The following PTGDS variants were observed in gnomAD, a reference collection of about 807,000 sequenced individuals.
PTGDS encodes prostaglandin D2 synthase, also known as prostaglandin-H2 D-isomerase.
In PTGDS, 21 loss-of-function variants were observed where a neutral mutation model predicts 28.4. That is an observed-to-expected ratio of 0.74 (90% confidence interval 0.52 to 1.07). The LOEUF (loss-of-function observed/expected upper bound fraction) is 1.07. Ranked by LOEUF, PTGDS falls within the 50% of genes least tolerant of loss-of-function variation. PTGDS has a pLI of 0.00. For missense variants in PTGDS, 243 were observed against 247.7 expected, an observed-to-expected ratio of 0.98 and a Z score of 0.13; for synonymous variants, 102 against 106.0, an observed-to-expected ratio of 0.96 and a Z score of 0.23.
intron 3 of PTGDS, 85 bp downstream of exon 3, chr9:136,979,384 AGAT>A (rs1254316964): frequency 1.1e-5 from 18 of 1,577,288 alleles, no homozygotes; most frequent in Non-Finnish European, 1.5e-5. Context: ...CCTGCCGCGG[AGAT>A]CCATGGGGTG....
Position 136,979,964 on chromosome 9 carries a change from C to G in PTGDS, c.350C>G (p.Ser117Cys), listed in dbSNP as rs1177532072. 2 of 1,613,292 alleles carry G rather than the reference C, an allele frequency of 1.2e-6. No homozygotes were observed. Among genetic ancestry groups the G allele is most frequent in the South Asian group, 1.1e-5 (1 of 91,092 alleles). Residue 117 changes from serine to cysteine, a missense_variant, in exon 4 of 7, where the codon TCC becomes TGC. By Grantham distance (112) the Ser-to-Cys change is moderately radical. Coordinates refer to ENST00000371625, the MANE Select transcript of PTGDS (RefSeq NM_000954.6). ...TTCCCAGACTGGGGCAGCACCTACT[C>G]CGTGTCAGTGGTGGAGACCGACTAC... is the stretch of plus-strand genomic sequence containing the variant. ...YRSPHWGSTY[S>C]VSVVETDYDQ...
chr9:136,980,350 G>T, intron 5 of PTGDS, 66 bp downstream of exon 5: 1 of 1,539,208 alleles, frequency 6.5e-7, no homozygotes, highest in South Asian at 1.1e-5. Context: ...GCAGTCTCCT[G>T]ACTGGGGGAG....
intron 1 of PTGDS, 102 bp from the exon 2 acceptor site, chr9:136,978,891 G>A (rs1489498245): frequency 6.6e-7 from 1 of 1,513,864 alleles, no homozygotes; most frequent in Admixed American, 1.9e-5. Flanking sequence ...GGGCGGGGCC[G>A]GGTTGGAGAC....
At chr9:136,978,351 C>A (rs1015561042) in intron 1 of PTGDS, among the ~76,000 whole-genome samples, 1 of 150,912 alleles carries the variant, frequency 6.6e-6, no homozygotes, top group Non-Finnish European at 1.5e-5. Flanking sequence ...GGCTGGTGGG[C>A]GGCGTGCGAG....
rs1830449392 is a variant in PTGDS at position 136,981,651 on chromosome 9, C to T, written c.*73C>T. 6.6e-6 allele frequency: 1 copy of T among 152,382 alleles called. No homozygotes were observed. The highest frequency in any genetic ancestry group is 1.5e-5 in the Non-Finnish European group (1 of 68,238). The allele number at this position is 152,382 out of a possible 1,614,324, so 9.4% of individuals were successfully genotyped here. ...ACGCTCTGGATGTCTCTGCTCTGTT[C>T]CTTCCCCGAGCCCCTGCCCCGGCTC... On this transcript the variant is annotated 3_prime_UTR_variant, in exon 7 of 7. Coordinates refer to ENST00000371625, the MANE Select transcript of PTGDS (RefSeq NM_000954.6).
chr9:136,979,512 T>A, intron 3 of PTGDS: 1 of 1,440,910 alleles, frequency 6.9e-7, no homozygotes, highest in Non-Finnish European at 9.4e-7. Flanking sequence ...GGATCCTCTC[T>A]GGAGCCCACC....
At chr9:136,977,923 C>CA (rs956714200) in intron 1 of PTGDS, among the ~76,000 whole-genome samples, 1 of 152,160 alleles carries the variant, frequency 6.6e-6, no homozygotes, top group Non-Finnish European at 1.5e-5. Context: ...ATGGGCCACG[C>CA]AGACACCGGG....
chr9:136,979,099 A>G lies in PTGDS; in HGVS notation c.221A>G (p.Asp74Gly), dbSNP rs1830417176. 3.7e-6 allele frequency: 6 copies of G among 1,612,008 alleles called. No homozygotes were observed. Among genetic ancestry groups the G allele is most frequent in the Non-Finnish European group, 5.1e-6 (6 of 1,179,406 alleles). ...AAGTCTGTGGTGGCCCCTGCCACGGATGGTGGCCTCAACCTGACCTCCACC... is the reference window on the plus strand; with the variant it reads ...AAGTCTGTGGTGGCCCCTGCCACGGGTGGTGGCCTCAACCTGACCTCCACC... Reference protein sequence around the residue: ...MCKSVVAPATDGGLNLTSTFL... With the variant: ...MCKSVVAPATGGGLNLTSTFL... The change falls in exon 2 of 7, where the codon GAT (aspartate) becomes GGT (glycine). Residue 74 changes from aspartate to glycine, a missense_variant. Asp to Gly is a moderately conservative substitution (Grantham distance 94). Transcript: ENST00000371625.
Position 136,980,293 on chromosome 9 carries a change from T to C in PTGDS, c.550+9T>C. On this transcript the variant is annotated intron_variant, in intron 5 of 6. Coordinates refer to ENST00000371625, the MANE Select transcript of PTGDS (RefSeq NM_000954.6). ...CTTCCTGCCCCAAACCGGTGAGGGG[T>C]CCTAATCTGATGGGGAGAGGATCAA... 1 of 1,612,772 alleles carries C rather than the reference T, an allele frequency of 6.2e-7. No homozygotes were observed. Among genetic ancestry groups the C allele is most frequent in the Non-Finnish European group, 8.5e-7 (1 of 1,179,044 alleles).
At chr9:136,979,809 A>G in intron 3 of PTGDS, 137 bp from the exon 4 acceptor site, 3 of 829,848 alleles carry the variant, frequency 3.6e-6, no homozygotes, top group South Asian at 1.4e-5. Context: ...CTGGCTGGAG[A>G]GCAGCCGGGT....
rs1303074435 is a variant in PTGDS at position 136,977,702 on chromosome 9, T to C, written c.114+10T>C. 1.3e-6 allele frequency: 2 copies of C among 1,574,018 alleles called. No homozygotes were observed. Among genetic ancestry groups the C allele is most frequent in the Admixed American group, 1.8e-5 (1 of 54,686 alleles). ...CTTCCAGCAGGACAAGGTGAGGGGCTTTCCTGCGTCATCCCCAAGGGCTAC... is the reference window on the plus strand; with the variant it reads ...CTTCCAGCAGGACAAGGTGAGGGGCCTTCCTGCGTCATCCCCAAGGGCTAC... On this transcript the variant is annotated intron_variant, in intron 1 of 6. Coordinates refer to ENST00000371625, the MANE Select transcript of PTGDS (RefSeq NM_000954.6).
rs1225916270 is a variant in PTGDS, at chr9:136,980,053, A to C, written c.439A>C (p.Thr147Pro). 6.2e-7 allele frequency: 1 copy of C among 1,611,998 alleles called. No individual in the cohort carries two copies. The highest frequency in any genetic ancestry group is 8.5e-7 in the Non-Finnish European group (1 of 1,179,454). Reference sequence around the variant, plus strand: ...CCCTGGCGAGGACTTCCGCATGGCCACCCTCTACAGTACGTGCCCCGTGGA... The same window carrying C: ...CCCTGGCGAGGACTTCCGCATGGCCCCCCTCTACAGTACGTGCCCCGTGGA... ...KGPGEDFRMA[T>P]LYSRTQTPRA... is the part of the protein sequence containing the mutation. The change falls in exon 4 of 7, where the codon ACC becomes CCC. Residue 147 changes from threonine to proline, a missense_variant. Physicochemically the swap from Thr to Pro is conservative, Grantham distance 38 (BLOSUM62 -1). Coordinates refer to ENST00000371625, the MANE Select transcript of PTGDS (RefSeq NM_000954.6).
Position 136,977,698 on chromosome 9 carries a change from G to T in PTGDS, c.114+6G>T. 2 of 1,580,468 alleles carry T rather than the reference G, an allele frequency of 1.3e-6. No homozygotes were observed. Among genetic ancestry groups the T allele is most frequent in the Non-Finnish European group, 8.6e-7 (1 of 1,165,376 alleles). Reference sequence around the variant, plus strand: ...CCAACTTCCAGCAGGACAAGGTGAGGGGCTTTCCTGCGTCATCCCCAAGGG... The same window carrying T: ...CCAACTTCCAGCAGGACAAGGTGAGTGGCTTTCCTGCGTCATCCCCAAGGG... On this transcript the variant is annotated splice_donor_region_variant and intron_variant, in intron 1 of 6. Transcript: ENST00000371625.
intron 6 of PTGDS, 86 bp downstream of exon 6, chr9:136,980,941 A>T: frequency 6.7e-7 from 1 of 1,487,952 alleles, no homozygotes; most frequent in East Asian, 2.4e-5. Context: ...GATGGGATGG[A>T]TCAGGGCCCC....
At chr9:136,979,616 C>A in intron 3 of PTGDS, 3 of 704,104 alleles carry the variant, frequency 4.3e-6, no homozygotes, top group Non-Finnish European at 6.9e-6. Context: ...CAATTCTCCT[C>A]CCCAGGACCC....
rs767807598 is a variant in PTGDS at position 136,979,983 on chromosome 9, C to T, written c.369C>T (p.Thr123=). 1.7e-5 allele frequency: 27 copies of T among 1,613,082 alleles called. No homozygotes were observed. The highest frequency in any genetic ancestry group is 3.3e-5 in the Admixed American group (2 of 59,990). ...CCTACTCCGTGTCAGTGGTGGAGAC[C>T]GACTACGACCAGTACGCGCTGCTGT... ...GSTYSVSVVE[T]DYDQYALLYS... Residue 123 remains threonine, a synonymous_variant, in exon 4 of 7, where the codon ACC becomes ACT. Transcript: ENST00000371625.
chr9:136,978,562 G>T (rs1365513828), intron 1 of PTGDS, among the ~76,000 whole-genome samples: 45 of 117,826 alleles, frequency 3.8e-4, no homozygotes, highest in East Asian at 2.5e-3. Context: ...GGCGTGGTCA[G>T]CTCCTGGGGC....
chr9:136,977,778 G>A, intron 1 of PTGDS, 86 bp downstream of exon 1: 3 of 1,258,148 alleles, frequency 2.4e-6, no homozygotes, highest in Non-Finnish European at 3.3e-6. Flanking sequence ...CCCCCTGGGA[G>A]GAGTGAGCGA....
chr9:136,979,513 G>A, intron 3 of PTGDS: 1 of 1,441,880 alleles, frequency 6.9e-7, no homozygotes, highest in Non-Finnish European at 9.4e-7. Context: ...GATCCTCTCT[G>A]GAGCCCACCA....
Sources: allele counts gnomAD v4.1 joint callset (sites outside exome capture counted in the v4.1 genomes callset), GRCh38; gene constraint gnomAD v4.1.1; transcripts MANE v1.5; gene names NCBI Gene and HGNC (gene_info 2026-07-23, HGNC 2026-07-21).